CASD1: variants seen among roughly 807,000 people sequenced by gnomAD.
CASD1 encodes the protein N-acetylneuraminate (7)9-O-acetyltransferase.
In CASD1, 41 loss-of-function variants were observed where a neutral mutation model predicts 100.0. That is an observed-to-expected ratio of 0.41 (90% CI 0.32 to 0.53). The LOEUF is 0.53. Ranked by LOEUF, CASD1 falls within the 20% of genes least tolerant of loss-of-function variation. The pLI is 0.25. For missense variants in CASD1, 774 were observed against 948.7 expected, an observed-to-expected ratio of 0.82 and a Z score of 2.42; for synonymous variants, 321 against 315.6, an observed-to-expected ratio of 1.02 and a Z score of -0.18.
At chr7:94,599,778 T>C in the CASD1 span, 3 of 1,172,504 alleles carry the variant, frequency 2.6e-6, no homozygotes, top group Non-Finnish European at 3.8e-6. Flanking sequence ...TTTGGAACAT[T>C]AAGACTATAT....
At chr7:94,515,018 C>G (rs890949449) in intron 1 of CASD1, among the ~76,000 whole-genome samples, 3 of 151,890 alleles carry the variant, frequency 2.0e-5, no homozygotes, top group Admixed American at 6.6e-5. Flanking sequence ...GGAGTTTTTT[C>G]TGGATCAGGT....
chr7:94,561,873 A>C (rs1250212830), downstream of CASD1, among the ~76,000 whole-genome samples: 2 of 152,302 alleles, frequency 1.3e-5, no homozygotes, highest in South Asian at 2.1e-4. Context: ...CAGATACTTT[A>C]GAATGTACCT....
the CASD1 span, chr7:94,623,259 G>A: frequency 1.1e-6 from 1 of 951,102 alleles, no homozygotes; most frequent in Non-Finnish European, 1.6e-6. Context: ...TATATTTTAT[G>A]TAGTTATAAA....
chr7:94,598,864 A>G, the CASD1 span: 3 of 1,612,544 alleles, frequency 1.9e-6, no homozygotes, highest in Non-Finnish European at 2.5e-6. Context: ...GGTGGAACAC[A>G]GGAAGCGTTG....
intron 10 of CASD1, among the ~76,000 whole-genome samples, chr7:94,543,672 T>G (rs1282918796): frequency 2.7e-5 from 4 of 148,368 alleles, no homozygotes; most frequent in Non-Finnish European, 3.0e-5. Flanking sequence ...AAAAAGGCAG[T>G]GTACAAGTTA....
chr7:94,603,237 A>T, the CASD1 span: 1 of 1,448,462 alleles, frequency 6.9e-7, no homozygotes, highest in Non-Finnish European at 9.6e-7. Context: ...TCAAACGTTA[A>T]CTCCAGCCAC....
intron 8 of CASD1, 139 bp from the exon 9 acceptor site, chr7:94,537,333 A>G: frequency 1.3e-6 from 1 of 744,754 alleles, no homozygotes; most frequent in East Asian, 2.5e-5. Flanking sequence ...CATTATTTGC[A>G]TGATTTGGGA....
At chr7:94,539,096 G>C (rs1795258051) in intron 10 of CASD1, 40 bp downstream of exon 10, 1 of 1,240,698 alleles carries the variant, frequency 8.1e-7, no homozygotes. Context: ...TATAGGAAGT[G>C]ATGTCATTTT....
intron 5 of CASD1, among the ~76,000 whole-genome samples, chr7:94,529,637 C>A (rs540246253): frequency 1.8e-4 from 27 of 152,182 alleles, no homozygotes; most frequent in Non-Finnish European, 3.1e-4. Flanking sequence ...CTATTGCCAG[C>A]TTTGTGCTGA....
the CASD1 span, among the ~76,000 whole-genome samples, chr7:94,581,410 A>AT: frequency 1.3e-5 from 2 of 152,030 alleles, no homozygotes; most frequent in African/African-American, 4.8e-5. Context: ...CATGTGCAGG[A>AT]TGTGCAGGTT....
At chr7:94,607,153 A>T in the CASD1 span, among the ~76,000 whole-genome samples, 2 of 152,170 alleles carry the variant, frequency 1.3e-5, no homozygotes, top group Admixed American at 1.3e-4. Context: ...TTGAATCAAT[A>T]ATTAATAATC....
intron 3 of CASD1, among the ~76,000 whole-genome samples, chr7:94,521,895 C>CT (rs777590494): frequency 6.6e-6 from 1 of 152,134 alleles, no homozygotes; most frequent in Non-Finnish European, 1.5e-5. Flanking sequence ...ACCATCCTGG[C>CT]TAACACGGTG....
intron 5 of CASD1, among the ~76,000 whole-genome samples, chr7:94,529,682 T>C (rs1403764201): frequency 6.6e-6 from 1 of 152,158 alleles, no homozygotes; most frequent in Non-Finnish European, 1.5e-5. Context: ...AGCTCCAGTC[T>C]CAGCCCTCAA....
rs747691957 is a variant in CASD1, at chr7:94,545,555, G to A, written c.1487G>A (p.Arg496His). The A allele has an allele frequency of 1.6e-5, 25 of 1,599,496 alleles. No individual in the cohort carries two copies. The highest frequency in any genetic ancestry group is 4.0e-5 in the African/African-American group (3 of 74,386). Residue 496 changes from arginine to histidine, a missense_variant, in exon 12 of 18, where the codon CGT becomes CAT. Physicochemically the swap from Arg to His is conservative, Grantham distance 29 (BLOSUM62 0). Coordinates refer to ENST00000297273, the MANE Select transcript of CASD1 (RefSeq NM_022900.5). Reference sequence around the variant, plus strand: ...TCTCCTTTTCAATAGGTTTTATTTCGTCTCAATTTCCTGGTAGTGGTGTTA... The same window carrying A: ...TCTCCTTTTCAATAGGTTTTATTTCATCTCAATTTCCTGGTAGTGGTGTTA... ...GIYRVCQVLF[R>H]LNFLVVVLCI...
the CASD1 span, chr7:94,603,405 C>T: frequency 1.9e-6 from 3 of 1,612,960 alleles, no homozygotes; most frequent in South Asian, 1.1e-5. Flanking sequence ...TTCAACTTCT[C>T]GTAAACAAGA....
the CASD1 span, chr7:94,587,417 A>C: frequency 8.7e-6 from 10 of 1,144,696 alleles, no homozygotes; most frequent in Non-Finnish European, 1.1e-5. Flanking sequence ...AATAATTAAG[A>C]ATCAGAAGAT....
downstream of CASD1, among the ~76,000 whole-genome samples, chr7:94,557,382 G>A (rs1318069672): frequency 2.6e-5 from 4 of 151,986 alleles, no homozygotes; most frequent in Non-Finnish European, 4.4e-5. Flanking sequence ...ATAGACAATT[G>A]TAATGATTCA....
chr7:94,609,480 C>T, the CASD1 span, among the ~76,000 whole-genome samples: 1 of 152,134 alleles, frequency 6.6e-6, no homozygotes, highest in African/African-American at 2.4e-5. Flanking sequence ...TGCAGTGAGC[C>T]AAGATTGCAC....
In CASD1 at chr7:94,510,044, T is replaced by G. The variant is rs1160378188; in HGVS notation, c.-41T>G. On this transcript the variant is annotated 5_prime_UTR_variant, in exon 1 of 18. Transcript: ENST00000297273. ...CAGTGCTGCCCCTGTGCGGCGCCCC[T>G]TTCCCGCTCCGCCGCGCACTGTTGT... The G allele has an allele frequency of 6.8e-7, 1 of 1,470,500 alleles. No homozygotes were observed. The highest frequency in any genetic ancestry group is 1.5e-5 in the African/African-American group (1 of 68,136). 91.1% of individuals were successfully genotyped at this position (1,470,500 alleles called of 1,614,324 possible).
Sources: allele counts gnomAD v4.1 joint callset (sites outside exome capture counted in the v4.1 genomes callset), GRCh38; gene constraint gnomAD v4.1.1; transcripts MANE v1.5; gene names NCBI Gene and HGNC (gene_info 2026-07-23, HGNC 2026-07-21).